IFT74: variants seen among roughly 807,000 people sequenced by gnomAD.
IFT74 encodes intraflagellar transport 74.
In IFT74, 92 loss-of-function variants were observed where a neutral mutation model predicts 96.7. The ratio of observed to expected loss-of-function variants is 0.95; its 90% confidence interval spans 0.80 to 1.13. The LOEUF is 1.13. Ranked by LOEUF, IFT74 falls within the 50% of genes most tolerant of loss-of-function variation. The pLI is 0.00. For synonymous variants in IFT74, 223 were observed against 213.2 expected (o/e 1.05, Z -0.40); for missense variants, 811 against 698.2 (o/e 1.16, Z -1.82).
intron 2 of IFT74, among the ~76,000 whole-genome samples, chr9:26,976,066 GCA>G (rs1412549383): frequency 6.6e-6 from 1 of 152,178 alleles, no homozygotes; most frequent in African/African-American, 2.4e-5. Context: ...CTTGGTCTGT[GCA>G]CAGAGTTACT....
chr9:26,989,408 G>T (rs531892799), intron 7 of IFT74, among the ~76,000 whole-genome samples: 7 of 152,146 alleles, frequency 4.6e-5, no homozygotes, highest in African/African-American at 1.7e-4. Flanking sequence ...TTGTTTGGTA[G>T]AAAACAATAA....
intron 2 of IFT74, among the ~76,000 whole-genome samples, chr9:26,971,579 G>T (rs1826879884): frequency 6.6e-6 from 1 of 152,106 alleles, no homozygotes; most frequent in African/African-American, 2.4e-5. Context: ...GGGAAGGAAG[G>T]CAAGGAGTTA....
chr9:27,053,234 T>G (rs1486038423), intron 16 of IFT74, among the ~76,000 whole-genome samples: 2 of 148,026 alleles, frequency 1.4e-5, no homozygotes, highest in African/African-American at 5.0e-5. Context: ...AACTTAGATA[T>G]TATAATGGCC....
chr9:26,962,164 A>C, intron 2 of IFT74, 77 bp downstream of exon 2: 1 of 1,452,964 alleles, frequency 6.9e-7, no homozygotes. Flanking sequence ...CTGGGGCTTC[A>C]GTGAACTCTG....
chr9:27,036,614 C>G, intron 13 of IFT74: 2 of 1,530,326 alleles, frequency 1.3e-6, no homozygotes, highest in Non-Finnish European at 1.7e-6. Flanking sequence ...CTCTCTAGCA[C>G]CCACTGTTTG....
chr9:27,017,028 A>G lies in IFT74; in HGVS notation c.911A>G (p.Glu304Gly). ...AAAAGCATAGGATCTCCAATGGAAG[A>G]GAGAGAGAAATTACTTAAGCAGGTG... ...EDKSIGSPME[E>G]REKLLKQIKD... The change falls in exon 11 of 20, where the codon GAG becomes GGG. Residue 304 changes from glutamate (E) to glycine (G), a missense_variant. Glu to Gly is a moderately conservative substitution (Grantham distance 98, BLOSUM62 -2). Coordinates refer to ENST00000380062, the MANE Select transcript of IFT74 (RefSeq NM_025103.4). 6.2e-7 allele frequency: 1 copy of G among 1,605,890 alleles called. No homozygotes were observed. Among genetic ancestry groups the G allele is most frequent in the Non-Finnish European group, 8.5e-7 (1 of 1,177,194 alleles).
chr9:26,970,871 A>T (rs2131505534), intron 2 of IFT74, among the ~76,000 whole-genome samples: 2 of 152,304 alleles, frequency 1.3e-5, no homozygotes, highest in Admixed American at 1.3e-4. Context: ...GAGACATTTA[A>T]TCCAGGGTAA....
At chr9:26,996,510 A>C (rs1828166920) in intron 8 of IFT74, 3 of 1,413,896 alleles carry the variant, frequency 2.1e-6, no homozygotes, top group Non-Finnish European at 2.8e-6. Context: ...CTAGTAAATC[A>C]GAAAGAATAA....
In IFT74 at chr9:27,011,973, G is replaced by A. The variant is rs528811126; in HGVS notation, c.789+5G>A. ...AAAAAAGAGAGCCTGGAAGCAGTAAGTATAAAATCAAATAAGGGTTCTCAT... is the reference window on the plus strand; with the variant it reads ...AAAAAAGAGAGCCTGGAAGCAGTAAATATAAAATCAAATAAGGGTTCTCAT... On this transcript the variant is annotated splice_donor_5th_base_variant and intron_variant, in intron 10 of 19. Transcript: ENST00000380062. The A allele has an allele frequency of 6.4e-7, 1 of 1,571,864 alleles. No individual in the cohort carries two copies. The highest frequency in any genetic ancestry group is 1.4e-5 in the African/African-American group (1 of 72,950).
intron 8 of IFT74, among the ~76,000 whole-genome samples, chr9:27,006,012 T>A (rs999963833): frequency 1.3e-5 from 2 of 151,878 alleles, no homozygotes; most frequent in African/African-American, 4.8e-5. Context: ...CCTGGCTAAT[T>A]TTTGTATTTT....
At chr9:26,960,669 G>A (rs879790817) in intron 1 of IFT74, among the ~76,000 whole-genome samples, 1 of 152,198 alleles carries the variant, frequency 6.6e-6, no homozygotes, top group Non-Finnish European at 1.5e-5. Context: ...GGGAGAGAAT[G>A]AGTGAATTAA....
At chr9:27,012,755 T>G (rs932609093) in intron 10 of IFT74, among the ~76,000 whole-genome samples, 6 of 138,216 alleles carry the variant, frequency 4.3e-5, no homozygotes, top group Admixed American at 7.8e-5. Flanking sequence ...ATCGCTCTGT[T>G]GCCCAGGCTG....
At chr9:26,960,265 G>C (rs1398495620) in intron 1 of IFT74, among the ~76,000 whole-genome samples, 1 of 150,956 alleles carries the variant, frequency 6.6e-6, no homozygotes, top group East Asian at 1.9e-4. Flanking sequence ...TGTGTAATCT[G>C]TATGTATTGA....
chr9:26,963,112 C>A (rs994212839), intron 2 of IFT74, among the ~76,000 whole-genome samples: 4 of 152,038 alleles, frequency 2.6e-5, no homozygotes, highest in African/African-American at 7.2e-5. Flanking sequence ...TCCTCTCTCC[C>A]CGCACCCCAC....
intron 10 of IFT74, among the ~76,000 whole-genome samples, chr9:27,015,796 GA>G (rs1478117207): frequency 1.1e-4 from 17 of 152,170 alleles, no homozygotes; most frequent in African/African-American, 4.1e-4. Flanking sequence ...AAATAGAGAT[GA>G]TAGTACTATC....
At chr9:27,013,437 A>G (rs962488386) in intron 10 of IFT74, among the ~76,000 whole-genome samples, 6 of 152,198 alleles carry the variant, frequency 3.9e-5, no homozygotes, top group African/African-American at 9.7e-5. Context: ...AATTCTCACA[A>G]TGGGTCAAAA....
chr9:27,056,789 T>C (rs111763955), intron 18 of IFT74, among the ~76,000 whole-genome samples: 174 of 152,066 alleles, frequency 1.1e-3, no homozygotes, highest in African/African-American at 3.9e-3. Flanking sequence ...TAAATTCTAA[T>C]GATTAGTACC....
chr9:27,050,274 G>A (rs1819865348), intron 16 of IFT74, among the ~76,000 whole-genome samples: 1 of 152,136 alleles, frequency 6.6e-6, no homozygotes, highest in South Asian at 2.1e-4. Flanking sequence ...TTCCAGGCTT[G>A]TCTCAAACTC....
intron 8 of IFT74, chr9:26,999,620 A>G (rs780665795): frequency 1.1e-5 from 18 of 1,595,422 alleles, no homozygotes; most frequent in Non-Finnish European, 1.7e-6. Flanking sequence ...TTACTCTTTT[A>G]GAAGACTGGA....
Sources: gnomAD v4.1 joint callset for allele counts (sites outside exome capture counted in the v4.1 genomes callset) on GRCh38, gnomAD v4.1.1 for gene constraint, MANE v1.5 for transcripts, NCBI Gene and HGNC (gene_info 2026-07-23, HGNC 2026-07-21) for gene names.